The following CNGB3 variants were observed in gnomAD, a reference collection of about 807,000 sequenced individuals.
CNGB3 encodes cyclic nucleotide-gated channel beta-3.
A neutral mutation model predicts 92.8 loss-of-function variants in CNGB3; 86 were observed. The observed-to-expected ratio is 0.93, with a 90% CI of 0.78 to 1.11. The LOEUF is 1.11. CNGB3 is among the 50% of genes least tolerant of loss of function. The pLI, the probability that CNGB3 is intolerant of heterozygous loss-of-function variation, is 0.00. For synonymous variants in CNGB3, 333 were observed against 332.7 expected (o/e 1.00, Z -0.01); for missense variants, 1,026 against 956.8 (o/e 1.07, Z -0.95).
intron 10 of CNGB3, among the ~76,000 whole-genome samples, chr8:86,638,585 T>C (rs1823118784): frequency 1.3e-5 from 2 of 152,102 alleles, no homozygotes; most frequent in African/African-American, 4.8e-5. Context: ...GGGAGAACGG[T>C]CTTATTAGAA....
intron 4 of CNGB3, among the ~76,000 whole-genome samples, chr8:86,668,473 C>T (rs3758064): frequency 0.14 from 21,383 of 152,062 alleles, 1,633 homozygotes; most frequent in Admixed American, 0.22. Context: ...TATCCCAGAA[C>T]TTAAAGTATA....
chr8:86,701,359 T>C (rs1407924063), intron 3 of CNGB3, among the ~76,000 whole-genome samples: 1 of 152,206 alleles, frequency 6.6e-6, no homozygotes, highest in Non-Finnish European at 1.5e-5. Context: ...TTTCTTTCAG[T>C]GTTGAAGTAT....
intron 3 of CNGB3, among the ~76,000 whole-genome samples, chr8:86,697,169 G>A (rs1459087117): frequency 1.3e-5 from 2 of 152,156 alleles, no homozygotes; most frequent in African/African-American, 2.4e-5. Flanking sequence ...TGGTGTTCTT[G>A]TAGGAAGTAA....
intron 3 of CNGB3, among the ~76,000 whole-genome samples, chr8:86,709,611 G>A (rs1454439883): frequency 6.6e-6 from 1 of 152,020 alleles, no homozygotes. Flanking sequence ...TTATTGGTAC[G>A]GAATTATTAG....
intron 3 of CNGB3, among the ~76,000 whole-genome samples, chr8:86,677,317 C>T (rs1291204503): frequency 6.6e-6 from 1 of 152,188 alleles, no homozygotes; most frequent in East Asian, 1.9e-4. Flanking sequence ...ATGGACAACT[C>T]ATATGGAAGC....
At chr8:86,701,398 C>G (rs1824553078) in intron 3 of CNGB3, among the ~76,000 whole-genome samples, 1 of 152,104 alleles carries the variant, frequency 6.6e-6, no homozygotes, top group Non-Finnish European at 1.5e-5. Flanking sequence ...GGCTCTAACA[C>G]CAATAATATG....
chr8:86,639,279 T>C (rs907578041), intron 10 of CNGB3, among the ~76,000 whole-genome samples: 3 of 152,106 alleles, frequency 2.0e-5, no homozygotes, highest in African/African-American at 4.8e-5. Flanking sequence ...CAAAAATACA[T>C]TGGGAACATT....
At chr8:86,673,964 C>T (rs955665370) in intron 3 of CNGB3, among the ~76,000 whole-genome samples, 11 of 152,156 alleles carry the variant, frequency 7.2e-5, no homozygotes, top group Admixed American at 7.2e-4. Flanking sequence ...CCATCATAGA[C>T]TGTAAGATTC....
chr8:86,575,972 A>T lies in CNGB3; in HGVS notation c.2262T>A (p.Pro754=). The part of the protein sequence containing the change: ...REPEEKPLDR[P]ECTASPIAVE... ...CTGCAATAGGACTTGCTGTACATTCAGGTCTGTCCAGTGGCTTCTCTTCTG... is the reference window on the plus strand; with the variant it reads ...CTGCAATAGGACTTGCTGTACATTCTGGTCTGTCCAGTGGCTTCTCTTCTG... The change falls in exon 18 of 18, where the codon CCT becomes CCA. Residue 754 remains proline, a synonymous_variant. Transcript: ENST00000320005. 1 of 1,614,092 alleles carries T rather than the reference A, an allele frequency of 6.2e-7. No homozygotes were observed. Among genetic ancestry groups the T allele is most frequent in the South Asian group, 1.1e-5 (1 of 91,050 alleles).
rs554260657 is a variant in CNGB3, at chr8:86,712,804, G to A, written c.338+13727C>T. 8.1e-5 allele frequency among the ~76,000 whole-genome samples: 12 copies of A among 148,574 alleles called. No homozygotes were observed. In the East Asian group the frequency reaches 1.6e-3, roughly 19 times the overall value. On this transcript the variant is annotated intron_variant, in intron 3 of 17. Transcript: ENST00000320005. ...TGAGGTCTTGCTGTGTTGCCTAGGC[G>A]GGCCTTGAACTCCTCTGCTCAGGCA...
intron 15 of CNGB3, among the ~76,000 whole-genome samples, chr8:86,586,237 C>G (rs1309254987): frequency 6.6e-6 from 1 of 152,120 alleles, no homozygotes; most frequent in African/African-American, 2.4e-5. Context: ...TGTTTGTAAT[C>G]TAGGCATGGG....
chr8:86,639,746 C>A (rs1297011498), intron 10 of CNGB3, among the ~76,000 whole-genome samples: 1 of 152,038 alleles, frequency 6.6e-6, no homozygotes, highest in African/African-American at 2.4e-5. Flanking sequence ...TGCAAATTAT[C>A]TAAAAAGATA....
chr8:86,668,025 A>G lies in CNGB3; in HGVS notation c.637T>C (p.Tyr213His), dbSNP rs747823818. 1.9e-6 allele frequency: 3 copies of G among 1,614,074 alleles called. No homozygotes were observed. The highest frequency in any genetic ancestry group is 1.1e-5 in the South Asian group (1 of 91,070). ...RIKLPNSIDS[Y>H]TDRLYLLWLL... ...ATTCACCCTTTGATAATACCTGTGTATGAATCTATGCTGTTTGGAAGTTTA... is the reference window on the plus strand; with the variant it reads ...ATTCACCCTTTGATAATACCTGTGTGTGAATCTATGCTGTTTGGAAGTTTA... Residue 213 changes from tyrosine to histidine, a missense_variant, in exon 5 of 18, where the codon TAC becomes CAC. Tyr to His is a moderately conservative substitution (Grantham distance 83). Transcript: ENST00000320005.
At chr8:86,611,527 T>A (rs1344932551) in intron 14 of CNGB3, 61 bp downstream of exon 14, 1 of 1,349,124 alleles carries the variant, frequency 7.4e-7, no homozygotes, top group Non-Finnish European at 1.1e-6. Context: ...GTTCTTGACT[T>A]ATGTCCGAAA....
At chr8:86,698,034 T>C (rs1824483655) in intron 3 of CNGB3, among the ~76,000 whole-genome samples, 1 of 152,198 alleles carries the variant, frequency 6.6e-6, no homozygotes, top group Non-Finnish European at 1.5e-5. Flanking sequence ...CTTAATCCAG[T>C]CTATCATTGG....
At chr8:86,685,074 T>G (rs887447131) in intron 3 of CNGB3, among the ~76,000 whole-genome samples, 1 of 152,152 alleles carries the variant, frequency 6.6e-6, no homozygotes, top group Admixed American at 6.6e-5. Flanking sequence ...ATATCCTGGT[T>G]GTGAGATTAT....
chr8:86,609,669 T>C (rs1481518232), intron 14 of CNGB3, among the ~76,000 whole-genome samples: 1 of 152,200 alleles, frequency 6.6e-6, no homozygotes, highest in Non-Finnish European at 1.5e-5. Context: ...TGATTTTCAC[T>C]GTGTACTTGG....
At chr8:86,606,587 T>C (rs1217316718) in intron 14 of CNGB3, among the ~76,000 whole-genome samples, 1 of 152,224 alleles carries the variant, frequency 6.6e-6, no homozygotes, top group African/African-American at 2.4e-5. Flanking sequence ...CTTTAAAAAA[T>C]CATTACATTA....
At chr8:86,663,321 C>A (rs1430159041) in intron 6 of CNGB3, among the ~76,000 whole-genome samples, 1 of 152,200 alleles carries the variant, frequency 6.6e-6, no homozygotes, top group Non-Finnish European at 1.5e-5. Flanking sequence ...ATTTCCAACT[C>A]AATTTCTGCT....
Sources: gnomAD v4.1 joint callset for allele counts (sites outside exome capture counted in the v4.1 genomes callset) on GRCh38, gnomAD v4.1.1 for gene constraint, MANE v1.5 for transcripts, NCBI Gene and HGNC (gene_info 2026-07-23, HGNC 2026-07-21) for gene names.